The following SEC14L5 variants were observed in gnomAD, a reference collection of about 807,000 sequenced individuals.
SEC14L5 encodes SEC14 like lipid binding 5.
Under a neutral mutation model 84.6 loss-of-function variants are expected in SEC14L5, and 96 were observed. That is an observed-to-expected ratio of 1.13 (90% confidence interval 0.96 to 1.34). SEC14L5 has a LOEUF of 1.34. Among genes scored for constraint, SEC14L5 ranks in the 40% most tolerant of loss-of-function variants. The pLI is 0.00. For synonymous variants in SEC14L5, 546 were observed against 383.4 expected (o/e 1.42, Z -4.95); for missense variants, 1,224 against 942.5 (o/e 1.30, Z -3.91).
chr16:4,966,043 A>G (rs1310276015), intron 2 of SEC14L5, among the ~76,000 whole-genome samples: 1 of 152,130 alleles, frequency 6.6e-6, no homozygotes, highest in African/African-American at 2.4e-5. Context: ...CCCTGCCTCA[A>G]AAAATAAAAT....
chr16:5,013,715 C>T (rs536622681), intron 15 of SEC14L5, among the ~76,000 whole-genome samples: 1 of 152,026 alleles, frequency 6.6e-6, no homozygotes, highest in Non-Finnish European at 1.5e-5. Context: ...CGTACCACCA[C>T]CCCTGGCTAA....
Position 4,988,288 on chromosome 16 carries a change from C to G in SEC14L5, c.345+8C>G. The G allele has an allele frequency of 6.2e-7, 1 of 1,613,330 alleles. No individual in the cohort carries two copies. The highest frequency in any genetic ancestry group is 8.5e-7 in the Non-Finnish European group (1 of 1,179,632). On this transcript the variant is annotated splice_region_variant and intron_variant, in intron 4 of 15. Coordinates refer to ENST00000251170, the MANE Select transcript of SEC14L5 (RefSeq NM_014692.2). Reference sequence around the variant, plus strand: ...GAGCACTGCAGCTACACGGTGAGCCCAGGCCACCCTCAGCGCCCACGCCCG... The same window carrying G: ...GAGCACTGCAGCTACACGGTGAGCCGAGGCCACCCTCAGCGCCCACGCCCG...
rs1484432375 is a variant in SEC14L5 at position 4,991,890 on chromosome 16, C to T, written c.527C>T (p.Ser176Leu). 8.7e-6 allele frequency: 14 copies of T among 1,609,728 alleles called. No homozygotes were observed. The highest frequency in any genetic ancestry group is 2.2e-5 in the East Asian group (1 of 44,802). ...AATGAGCTCATCTCCCAGGGTACCT[C>T]GCACATTCCGCGCTGGACGCCTGCC... ...YLNELISQGT[S>L]HIPRWTPAPV... The change falls in exon 6 of 16, where the codon TCG becomes TTG. Residue 176 changes from serine (S) to leucine (L), a missense_variant. Physicochemically the swap from Ser to Leu is moderately radical, Grantham distance 145 (BLOSUM62 -2). Transcript: ENST00000251170.
At chr16:4,981,748 T>A (rs1466659407) in intron 2 of SEC14L5, among the ~76,000 whole-genome samples, 1 of 152,150 alleles carries the variant, frequency 6.6e-6, no homozygotes, top group African/African-American at 2.4e-5. Flanking sequence ...TGAGCCTCTC[T>A]GGGCAAGTAC....
chr16:4,996,254 C>T (rs1568134217), intron 6 of SEC14L5, 94 bp from the exon 7 acceptor site: 1 of 752,840 alleles, frequency 1.3e-6, no homozygotes, highest in Non-Finnish European at 2.2e-6. Context: ...GTTTTAGAGT[C>T]AGTGAGGCAG....
intron 15 of SEC14L5, among the ~76,000 whole-genome samples, chr16:5,012,428 T>A (rs1955816188): frequency 6.6e-6 from 1 of 152,130 alleles, no homozygotes. Context: ...AGAAAATCAG[T>A]TCAAAGGCTG....
chr16:5,007,700 G>A (rs1193386373), intron 13 of SEC14L5, among the ~76,000 whole-genome samples: 2 of 150,734 alleles, frequency 1.3e-5, no homozygotes, highest in Admixed American at 1.3e-4. Context: ...CCACCTCCCA[G>A]GTTCAAGCAA....
intron 14 of SEC14L5, 57 bp from the exon 15 acceptor site, chr16:5,011,038 T>C: frequency 1.3e-6 from 2 of 1,514,902 alleles, no homozygotes; most frequent in Non-Finnish European, 1.8e-6. Flanking sequence ...AGGCTCAGCC[T>C]CCTTGACCTG....
intron 15 of SEC14L5, among the ~76,000 whole-genome samples, chr16:5,012,910 A>AAT (rs1955821908): frequency 1.3e-5 from 2 of 149,806 alleles, no homozygotes; most frequent in Admixed American, 1.3e-4. Flanking sequence ...AAAAGGAAAA[A>AAT]AAAAAAACCT....
chr16:5,002,539 A>G (rs1248105004), intron 10 of SEC14L5, among the ~76,000 whole-genome samples: 3 of 152,046 alleles, frequency 2.0e-5, no homozygotes, highest in African/African-American at 7.2e-5. Flanking sequence ...AAGGACACGT[A>G]TGTTGGGGTG....
intron 10 of SEC14L5, 148 bp from the exon 11 acceptor site, chr16:5,003,254 C>A (rs890359797): frequency 3.2e-6 from 2 of 632,414 alleles, no homozygotes; most frequent in Non-Finnish European, 5.5e-6. Flanking sequence ...TGATCCTCTT[C>A]ATCGCATGGG....
chr16:5,000,537 G>A (rs1369932690), intron 8 of SEC14L5, 118 bp from the exon 9 acceptor site: 8 of 713,672 alleles, frequency 1.1e-5, no homozygotes, highest in South Asian at 3.5e-5. Context: ...AGGCTGGATC[G>A]GGCCTTGGTG....
intron 2 of SEC14L5, among the ~76,000 whole-genome samples, chr16:4,971,869 GTGT>G (rs1216300141): frequency 6.6e-6 from 1 of 152,152 alleles, no homozygotes; most frequent in Non-Finnish European, 1.5e-5. Context: ...AATGTCCCAG[GTGT>G]TGTACAAGGC....
At chr16:5,003,627 G>A (rs1349469923) in intron 11 of SEC14L5, 54 bp downstream of exon 11, 6 of 914,146 alleles carry the variant, frequency 6.6e-6, no homozygotes, top group Middle Eastern at 2.7e-4. Flanking sequence ...GGGATGGGAG[G>A]GGTTCCGTCT....
chr16:5,014,745 GCCTGGGGC>G (rs766202677), intron 15 of SEC14L5, 106 bp from the exon 16 acceptor site: 162 of 740,482 alleles, frequency 2.2e-4, no homozygotes, highest in Middle Eastern at 1.2e-3. Context: ...CTTTGCATCG[GCCTGGGGC>G]CCTGGGGCCT....
chr16:4,969,876 G>A (rs546842108), intron 2 of SEC14L5, among the ~76,000 whole-genome samples: 18 of 150,762 alleles, frequency 1.2e-4, no homozygotes, highest in African/African-American at 3.9e-4. Flanking sequence ...GGGGTGCAGC[G>A]GCACGATCAC....
intron 10 of SEC14L5, among the ~76,000 whole-genome samples, chr16:5,002,702 C>A (rs1484321623): frequency 1.3e-5 from 2 of 152,092 alleles, no homozygotes; most frequent in Non-Finnish European, 2.9e-5. Flanking sequence ...GCACCAGCCG[C>A]TGCAGTCAAA....
chr16:4,981,201 C>T (rs550828516), intron 2 of SEC14L5, among the ~76,000 whole-genome samples: 261 of 148,788 alleles, frequency 1.8e-3, no homozygotes, highest in Non-Finnish European at 3.3e-3. Context: ...ACTGCAATCT[C>T]TGCCTCCCTA....
At chr16:5,014,729 T>C in intron 15 of SEC14L5, 130 bp from the exon 16 acceptor site, 1 of 655,918 alleles carries the variant, frequency 1.5e-6, no homozygotes, top group Admixed American at 2.8e-5. Context: ...CGTCACTTGC[T>C]TTTCCCTTTG....
Sources: allele counts gnomAD v4.1 joint callset (sites outside exome capture counted in the v4.1 genomes callset), GRCh38; gene constraint gnomAD v4.1.1; transcripts MANE v1.5; gene names NCBI Gene and HGNC (gene_info 2026-07-23, HGNC 2026-07-21).